MAP2K2: variants seen among roughly 807,000 people sequenced by gnomAD.
MAP2K2 encodes mitogen-activated protein kinase kinase 2.
Under a neutral mutation model 43.7 loss-of-function variants are expected in MAP2K2, and 24 were observed. That is an observed-to-expected ratio of 0.55 (90% confidence interval 0.40 to 0.77). The LOEUF is 0.77. Among genes scored for constraint, MAP2K2 ranks in the 30% least tolerant of loss-of-function variants. The pLI, the probability that MAP2K2 is intolerant of heterozygous loss-of-function variation, is 0.00. For missense variants in MAP2K2, 470 were observed against 566.8 expected (o/e 0.83, Z 1.73); for synonymous variants, 244 against 239.7 (o/e 1.02, Z -0.17).
At chr19:4,097,437 C>T in intron 7 of MAP2K2, 94 bp from the exon 8 acceptor site, 3 of 895,976 alleles carry the variant, frequency 3.3e-6, no homozygotes, top group South Asian at 2.7e-5. Context: ...CCACCAGGCG[C>T]CCTCCTCCAC....
intron 8 of MAP2K2, among the ~76,000 whole-genome samples, chr19:4,097,035 A>G (rs2040928116): frequency 6.6e-6 from 1 of 151,164 alleles, no homozygotes; most frequent in African/African-American, 2.4e-5. Context: ...CTCAAAAAAA[A>G]AAAAAAAAAT....
chr19:4,116,813 C>A (rs1236973682), intron 2 of MAP2K2, among the ~76,000 whole-genome samples: 1 of 151,974 alleles, frequency 6.6e-6, no homozygotes, highest in Non-Finnish European at 1.5e-5. Flanking sequence ...GCCTGTAATC[C>A]CAGCTACTCG....
chr19:4,109,102 C>T (rs1312308874), intron 3 of MAP2K2, among the ~76,000 whole-genome samples: 1 of 152,168 alleles, frequency 6.6e-6, no homozygotes, highest in Non-Finnish European at 1.5e-5. Context: ...GGGGATCGCA[C>T]GTTTGCAGGG....
chr19:4,113,809 G>C (rs1307875523), intron 2 of MAP2K2, among the ~76,000 whole-genome samples: 1 of 152,158 alleles, frequency 6.6e-6, no homozygotes, highest in Non-Finnish European at 1.5e-5. Flanking sequence ...GAGCTTCACT[G>C]AGTGTCAGCG....
chr19:4,090,491 A>C lies in MAP2K2; in HGVS notation c.*107T>G. ...CGCCACGGTGCTCTCCGCAGGGGTG[A>C]GGCAGGAGGGTGGGTGGAGGCGCCA... On this transcript the variant is annotated 3_prime_UTR_variant, in exon 11 of 11. Coordinates refer to ENST00000262948, the MANE Select transcript of MAP2K2 (RefSeq NM_030662.4). The C allele has an allele frequency of 1.1e-6, 1 of 942,508 alleles. No homozygotes were observed. The highest frequency in any genetic ancestry group is 2.6e-5 in the East Asian group (1 of 38,130). 58.4% of individuals were successfully genotyped at this position (942,508 alleles called of 1,614,324 possible).
At chr19:4,105,299 C>G (rs1212945985) in intron 3 of MAP2K2, among the ~76,000 whole-genome samples, 1 of 150,992 alleles carries the variant, frequency 6.6e-6, no homozygotes, top group African/African-American at 2.4e-5. Context: ...GGCGGAGTCT[C>G]GCTCTGTTGC....
intron 6 of MAP2K2, chr19:4,099,667 G>T: frequency 1.8e-6 from 1 of 543,176 alleles, no homozygotes; most frequent in Non-Finnish European, 3.3e-6. Flanking sequence ...GCAATGCTCA[G>T]CACTTTTGGG....
chr19:4,121,179 C>T (rs1485754366), intron 1 of MAP2K2, among the ~76,000 whole-genome samples: 1 of 151,930 alleles, frequency 6.6e-6, no homozygotes, highest in African/African-American at 2.4e-5. Flanking sequence ...TGCGATTCTG[C>T]CAGCACGCCA....
At chr19:4,103,629 C>G (rs2041047030) in intron 3 of MAP2K2, 1 of 152,280 alleles carries the variant, frequency 6.6e-6, no homozygotes, top group Admixed American at 6.5e-5. Flanking sequence ...GGATGGCTTT[C>G]ATTCACATGG....
At position 4,115,492 on chromosome 19, in the gene MAP2K2, T is replaced by C. The variant is rs2041209039; in HGVS notation, c.303+1927A>G. 6.6e-6 allele frequency among the ~76,000 whole-genome samples: 1 copy of C among 152,208 alleles called. No homozygotes were observed. On this transcript the variant is annotated intron_variant, in intron 2 of 10. Transcript: ENST00000262948. The surrounding 1 kb of genome is among the most constrained non-coding windows in gnomAD (Gnocchi z 4.1). ...GTCTCAAGGCCCTGCTGTGGCTGTG[T>C]GAACCACACGCTTGCCTTTTTCCAC...
intron 2 of MAP2K2, among the ~76,000 whole-genome samples, chr19:4,113,399 G>A (rs2041180236): frequency 6.6e-6 from 1 of 152,156 alleles, no homozygotes; most frequent in Non-Finnish European, 1.5e-5. Context: ...GTGTGCAAGG[G>A]GAAAGGCAGA....
intron 4 of MAP2K2, 39 bp downstream of exon 4, chr19:4,102,337 G>T (rs1377839462): frequency 2.0e-6 from 3 of 1,523,380 alleles, no homozygotes; most frequent in African/African-American, 2.7e-5. Context: ...TCCGTGCAGA[G>T]TGCGGTGGGG....
At chr19:4,117,282 G>C in intron 2 of MAP2K2, 137 bp downstream of exon 2, 1 of 838,162 alleles carries the variant, frequency 1.2e-6, no homozygotes, top group Admixed American at 2.1e-5. Context: ...TCAGGACCTA[G>C]AGTCCCTGGT....
rs2145076295 is a variant in MAP2K2 at position 4,114,804 on chromosome 19, C to T, written c.303+2615G>A. ...TCTCTACTAAAAATACAAACATTAG[C>T]CAGGCATGCCAGCCACTCAGGAGGC... On this transcript the variant is annotated intron_variant, in intron 2 of 10. Transcript: ENST00000262948. Among the ~76,000 whole-genome samples the T allele has an allele frequency of 1.3e-5, 2 of 152,210 alleles. 1 individual carries two copies. Among genetic ancestry groups the T allele is most frequent in the South Asian group, 4.2e-4 (2 of 4,814 alleles).
chr19:4,097,216 AAAAAAAAAAAAAGAAAG>A lies in MAP2K2; in HGVS notation c.984+46_984+62del. On this transcript the variant is annotated intron_variant, in intron 8 of 10. Transcript: ENST00000262948. ...AGAGAGACTCTGCCTAAAAAAAAAA[AAAAAAAAAAAAAGAAAG>A]AAGAAAGAAAAGGAAAAGAAAAGCC... is the stretch of plus-strand genomic sequence containing the variant. 3.4e-6 allele frequency: 4 copies of A among 1,183,558 alleles called. No homozygotes were observed. The South Asian group carries it at 5.7e-5, about 17-fold the overall frequency. The allele number at this position is 1,183,558 out of a possible 1,614,324, so 73.3% of individuals were successfully genotyped here.
Position 4,097,295 on chromosome 19 carries a change from T to C in MAP2K2, c.968A>G (p.Asp323Gly). 1 of 1,609,334 alleles carries C rather than the reference T, an allele frequency of 6.2e-7. No individual in the cohort carries two copies. The highest frequency in any genetic ancestry group is 1.1e-5 in the South Asian group (1 of 90,976). Residue 323 changes from aspartate (D) to glycine (G), a missense_variant, in exon 8 of 11, where the codon GAC (aspartate) becomes GGC (glycine). Coordinates refer to ENST00000262948, the MANE Select transcript of MAP2K2 (RefSeq NM_030662.4). ...RPAMAIFELL[D>G]YIVNEPPPKL... is the part of the protein sequence containing the mutation. ...AGCACAAACCTCGTTCACAATATAGTCCAGGAGTTCAAAGATGGCCATGGC... is the reference window on the plus strand; with the variant it reads ...AGCACAAACCTCGTTCACAATATAGCCCAGGAGTTCAAAGATGGCCATGGC...
intron 1 of MAP2K2, among the ~76,000 whole-genome samples, chr19:4,120,370 C>T (rs958618316): frequency 6.6e-6 from 1 of 152,196 alleles, no homozygotes; most frequent in Non-Finnish European, 1.5e-5. Flanking sequence ...CTGGAGTGCA[C>T]TGGCACGATC....
At chr19:4,099,139 C>A in intron 7 of MAP2K2, 62 bp downstream of exon 7, 3 of 1,431,818 alleles carry the variant, frequency 2.1e-6, no homozygotes, top group Middle Eastern at 4.7e-4. Flanking sequence ...CTGACCCTGG[C>A]ACAGCAGGCC....
chr19:4,102,621 C>A, intron 3 of MAP2K2, 168 bp from the exon 4 acceptor site: 2 of 898,006 alleles, frequency 2.2e-6, no homozygotes, highest in Admixed American at 2.0e-5. Flanking sequence ...GACAGTTCTG[C>A]CTTTGGGTCT....
Sources: gnomAD v4.1 joint callset for allele counts (sites outside exome capture counted in the v4.1 genomes callset) on GRCh38, gnomAD v4.1.1 for gene constraint, Gnocchi (gnomAD v3.1) non-coding constraint, MANE v1.5 for transcripts, NCBI Gene and HGNC (gene_info 2026-07-23, HGNC 2026-07-21) for gene names.